Variants in VAV1 observed in about 807,000 individuals in gnomAD.
VAV1 encodes the protein vav guanine nucleotide exchange factor 1.
VAV1 carries 33 observed loss-of-function variants against 128.1 expected under a neutral mutation model. The observed-to-expected ratio is 0.26, with a 90% CI of 0.20 to 0.34. The LOEUF is 0.34. Ranked by LOEUF, VAV1 falls within the 10% of genes least tolerant of loss-of-function variation. The pLI, the probability that VAV1 is intolerant of heterozygous loss-of-function variation, is 1.00. For missense variants in VAV1, 715 were observed against 1,093.7 expected (o/e 0.65, Z 4.88); for synonymous variants, 394 against 409.8 (o/e 0.96, Z 0.47).
rs769451080 is a variant in VAV1 at position 6,833,707 on chromosome 19, G to T, written c.1709-4G>T. The stretch of plus-strand genomic sequence containing the variant: ...TTCTCACCATTTCCTTTACCCTCCC[G>T]TAGATTTCCCAGGAACTATGAAGAA... On this transcript the variant is annotated splice_region_variant and splice_polypyrimidine_tract_variant and intron_variant, in intron 17 of 26. Coordinates refer to ENST00000602142, the MANE Select transcript of VAV1 (RefSeq NM_005428.4). 1.2e-6 allele frequency: 2 copies of T among 1,613,992 alleles called. No homozygotes were observed. Among genetic ancestry groups the T allele is most frequent in the African/African-American group, 2.7e-5 (2 of 74,888 alleles).
intron 1 of VAV1, among the ~76,000 whole-genome samples, chr19:6,795,934 C>T (rs185339708): frequency 1.1e-3 from 168 of 152,256 alleles, no homozygotes; most frequent in African/African-American, 3.9e-3. Context: ...CCGCCCGTCT[C>T]AGCCTCCCAA....
intron 1 of VAV1, among the ~76,000 whole-genome samples, chr19:6,782,329 A>AAAATAAATAAAT (rs146389730): frequency 3.3e-5 from 5 of 150,156 alleles, no homozygotes; most frequent in African/African-American, 1.2e-4. Context: ...GACTCCATCT[A>AAAATAAATAAAT]AAATAAATAA....
At chr19:6,825,974 C>T (rs539689053) in intron 8 of VAV1, among the ~76,000 whole-genome samples, 3 of 151,478 alleles carry the variant, frequency 2.0e-5, no homozygotes, top group South Asian at 2.1e-4. Flanking sequence ...ACCCGGGAGG[C>T]GGAGGTTGCA....
Position 6,796,311 on chromosome 19 carries a change from A to G in VAV1, c.204+23300A>G, listed in dbSNP as rs183607081. On this transcript the variant is annotated intron_variant, in intron 1 of 26. Transcript: ENST00000602142. ...CAAAATCATTTATTTGTCCTTCTTT[A>G]TAGGGACCCCGGGAGATATGGCAGA... is the stretch of plus-strand genomic sequence containing the variant. Among the ~76,000 whole-genome samples, 80 of 151,598 alleles carry G rather than the reference A, an allele frequency of 5.3e-4. No homozygotes were observed. In the Middle Eastern group the frequency reaches 0.014, roughly 26 times the overall value.
At chr19:6,789,827 G>A (rs1026106572) in intron 1 of VAV1, among the ~76,000 whole-genome samples, 13 of 151,106 alleles carry the variant, frequency 8.6e-5, no homozygotes, top group Non-Finnish European at 1.9e-4. Context: ...TGGAACTCCT[G>A]ACCTCAAGTG....
At chr19:6,786,165 C>G (rs1194161561) in intron 1 of VAV1, among the ~76,000 whole-genome samples, 1 of 152,014 alleles carries the variant, frequency 6.6e-6, no homozygotes, top group Non-Finnish European at 1.5e-5. Context: ...TTTACGTCCC[C>G]CAGTGCTTTA....
intron 1 of VAV1, among the ~76,000 whole-genome samples, chr19:6,790,984 G>C (rs988290816): frequency 6.6e-6 from 1 of 152,130 alleles, no homozygotes; most frequent in African/African-American, 2.4e-5. Flanking sequence ...CAGTGTCTGA[G>C]CCCCACCTCC....
chr19:6,819,512 T>C (rs1208480760), intron 1 of VAV1, among the ~76,000 whole-genome samples: 1 of 152,256 alleles, frequency 6.6e-6, no homozygotes, highest in Admixed American at 6.5e-5. Context: ...TTTTTAAGGT[T>C]CATCCATGTT....
At chr19:6,832,552 T>C (rs1972090800) in intron 15 of VAV1, among the ~76,000 whole-genome samples, 1 of 121,218 alleles carries the variant, frequency 8.2e-6, no homozygotes. Flanking sequence ...TTCTTCTTCC[T>C]CCTCCTCTCC....
chr19:6,837,180 C>G, intron 21 of VAV1, 130 bp downstream of exon 21: 1 of 904,384 alleles, frequency 1.1e-6, no homozygotes, highest in Non-Finnish European at 1.7e-6. Context: ...CTTTCTCTAA[C>G]TCAAGGCTTC....
intron 1 of VAV1, among the ~76,000 whole-genome samples, chr19:6,801,467 G>T (rs1446100402): frequency 6.6e-6 from 1 of 152,054 alleles, no homozygotes; most frequent in African/African-American, 2.4e-5. Flanking sequence ...CTTCCTCACA[G>T]AAGGGTTTGA....
At chr19:6,840,591 G>A (rs1459143902) in intron 21 of VAV1, among the ~76,000 whole-genome samples, 2 of 151,776 alleles carry the variant, frequency 1.3e-5, no homozygotes, top group Non-Finnish European at 2.9e-5. Flanking sequence ...GAGCCACTGC[G>A]CCCGGCCTTT....
rs577469477 is a variant in VAV1 at position 6,833,415 on chromosome 19, G to A, written c.1611-113G>A. On this transcript the variant is annotated intron_variant, in intron 16 of 26. Transcript: ENST00000602142. ...CCCTACTTTGATCTTCTGCTTCTCC[G>A]TCACTCTCCTGATCTAAAGAGAACC... 105 of 1,377,074 alleles carry A rather than the reference G, an allele frequency of 7.6e-5. 1 individual carries two copies. The highest frequency in any genetic ancestry group is 6.8e-4 in the African/African-American group (47 of 68,908). The allele number at this position is 1,377,074 out of a possible 1,614,324, so 85.3% of individuals were successfully genotyped here. A position where few individuals can be genotyped will look rare whatever the true frequency, so the allele number is the denominator to read the frequency against.
chr19:6,833,568 G>C lies in VAV1; in HGVS notation c.1651G>C (p.Ala551Pro), dbSNP rs1972143265. The change falls in exon 17 of 27, where the codon GCA becomes CCA. Residue 551 changes from alanine to proline, a missense_variant. By Grantham distance (27) the Ala-to-Pro change is conservative (BLOSUM62 -1). This residue lies in a region of VAV1 where 407 missense variants were observed against 580.6 expected (regional missense o/e 0.70). Coordinates refer to ENST00000602142, the MANE Select transcript of VAV1 (RefSeq NM_005428.4). ...GGGCTACCGCTGCCATCGGTGCCGG[G>C]CATCTGCACACAAGGAGTGTCTGGG... ...YQGYRCHRCR[A>P]SAHKECLGRV... The C allele has an allele frequency of 6.2e-7, 1 of 1,612,404 alleles. No homozygotes were observed. The highest frequency in any genetic ancestry group is 8.5e-7 in the Non-Finnish European group (1 of 1,178,876).
chr19:6,826,765 G>A lies in VAV1; in HGVS notation c.927+54G>A. ...TCTCCCGCTCCTCCCCAGGCCCTGG[G>A]GGCAGCAGGGAGGACACTGAGTTGC... On this transcript the variant is annotated intron_variant, in intron 9 of 26. Coordinates refer to ENST00000602142, the MANE Select transcript of VAV1 (RefSeq NM_005428.4). The surrounding 1 kb of genome is among the most constrained non-coding windows in gnomAD (Gnocchi z 4.1). The A allele has an allele frequency of 1.4e-6, 2 of 1,401,038 alleles. No homozygotes were observed. The highest frequency in any genetic ancestry group is 2.0e-6 in the Non-Finnish European group (2 of 1,024,118). 86.8% of individuals were successfully genotyped at this position (1,401,038 alleles called of 1,614,324 possible).
intron 22 of VAV1, among the ~76,000 whole-genome samples, chr19:6,847,243 C>T (rs910381954): frequency 1.3e-5 from 2 of 152,084 alleles, no homozygotes; most frequent in Non-Finnish European, 2.9e-5. Context: ...AATACTGCGC[C>T]GCCATCACTG....
chr19:6,792,553 A>G (rs1356406182), intron 1 of VAV1, among the ~76,000 whole-genome samples: 2 of 149,262 alleles, frequency 1.3e-5, no homozygotes, highest in African/African-American at 2.5e-5. Flanking sequence ...TGGCTAGCAC[A>G]TGGTTCTTTT....
chr19:6,781,379 T>TC (rs1353178095), intron 1 of VAV1, among the ~76,000 whole-genome samples: 6 of 152,176 alleles, frequency 3.9e-5, no homozygotes, highest in African/African-American at 1.4e-4. Context: ...CTCTGCCGCC[T>TC]CCCCGACAGA....
intron 13 of VAV1, among the ~76,000 whole-genome samples, 181 bp from the exon 14 acceptor site, chr19:6,829,605 G>C (rs1244883664): frequency 6.6e-6 from 1 of 152,146 alleles, no homozygotes; most frequent in Admixed American, 6.5e-5. Context: ...AGCGAAGACT[G>C]ACAGGCAGTA....
Sources: gnomAD v4.1 joint callset for allele counts (sites outside exome capture counted in the v4.1 genomes callset) on GRCh38, gnomAD v4.1.1 for gene constraint, gnomAD v4.1.1 regional missense constraint, Gnocchi (gnomAD v3.1) non-coding constraint, MANE v1.5 for transcripts, NCBI Gene and HGNC (gene_info 2026-07-23, HGNC 2026-07-21) for gene names.